CERK: variants seen among roughly 807,000 people sequenced by gnomAD.
The protein encoded by CERK is acylsphingosine kinase.
In CERK, 39 loss-of-function variants were observed where a neutral mutation model predicts 63.4. The observed-to-expected ratio is 0.61, with a 90% CI of 0.48 to 0.80. The LOEUF is 0.80. Among genes scored for constraint, CERK ranks in the 30% least tolerant of loss-of-function variants. CERK has a pLI of 0.00. For missense variants in CERK, 670 were observed against 714.1 expected (o/e 0.94, Z 0.70); for synonymous variants, 302 against 280.0 (o/e 1.08, Z -0.78).
At chr22:46,700,991 C>T (rs1480415772) in intron 7 of CERK, among the ~76,000 whole-genome samples, 1 of 147,568 alleles carries the variant, frequency 6.8e-6, no homozygotes, top group Non-Finnish European at 1.5e-5. Flanking sequence ...AGCCTGGGGA[C>T]AACTGGGAAA....
intron 5 of CERK, 40 bp from the exon 6 acceptor site, chr22:46,708,028 CG>C: frequency 1.3e-6 from 2 of 1,566,458 alleles, no homozygotes; most frequent in Non-Finnish European, 1.7e-6. Context: ...CCTGCAGGTG[CG>C]GCCCTCTGAG....
At chr22:46,732,117 C>G (rs762536073) in intron 1 of CERK, among the ~76,000 whole-genome samples, 2 of 152,124 alleles carry the variant, frequency 1.3e-5, no homozygotes, top group East Asian at 1.9e-4. Flanking sequence ...ACAGCCGAAT[C>G]GAGAACCCAG....
chr22:46,695,953 G>A (rs2146547596), intron 8 of CERK, among the ~76,000 whole-genome samples: 1 of 152,340 alleles, frequency 6.6e-6, no homozygotes, highest in South Asian at 2.1e-4. Context: ...GGCCACACCA[G>A]GAGCCAGGCC....
intron 3 of CERK, among the ~76,000 whole-genome samples, chr22:46,718,005 C>G (rs1236082689): frequency 6.6e-6 from 1 of 152,078 alleles, no homozygotes; most frequent in Non-Finnish European, 1.5e-5. Flanking sequence ...CGCTTGAACC[C>G]AGGAGGAGTT....
intron 1 of CERK, among the ~76,000 whole-genome samples, chr22:46,737,756 G>A (rs926062392): frequency 4.7e-4 from 72 of 152,114 alleles, no homozygotes; most frequent in Non-Finnish European, 2.8e-4. Context: ...GCGGGGATGG[G>A]GCGCCGGCCT....
At position 46,714,275 on chromosome 22, in the gene CERK, T is replaced by TAAAC. The variant is rs200669993; in HGVS notation, c.380-1986_380-1983dup. Among the ~76,000 whole-genome samples the TAAAC allele has an allele frequency of 1.2e-4, 18 of 152,074 alleles. No homozygotes were observed. The East Asian group carries it at 2.7e-3, about 23-fold the overall frequency. ...GACAGAGTAAGACTCCATGTCAAAA[T>TAAAC]AAACAAACAAACAAACAAATTAGCT... is the stretch of plus-strand genomic sequence containing the variant. On this transcript the variant is annotated intron_variant, in intron 3 of 12. Coordinates refer to ENST00000216264, the MANE Select transcript of CERK (RefSeq NM_022766.6). This position sits in a 1 kb window ranked among gnomAD's most constrained non-coding sequence, Gnocchi z 4.4.
intron 3 of CERK, among the ~76,000 whole-genome samples, chr22:46,719,626 C>T (rs1389923089): frequency 6.6e-6 from 1 of 152,108 alleles, no homozygotes; most frequent in Non-Finnish European, 1.5e-5. Flanking sequence ...GAGCTGAGAT[C>T]GCGCCACTGA....
At position 46,708,111 on chromosome 22, in the gene CERK, G is replaced by T. The variant is rs1337674651; in HGVS notation, c.570-123C>A. Reference sequence around the variant, plus strand: ...CCTGGCCCTTGGCAGGCATCTAGAAGTGCGGCTCCTGAAATGTCCCTAAGT... The same window carrying T: ...CCTGGCCCTTGGCAGGCATCTAGAATTGCGGCTCCTGAAATGTCCCTAAGT... On this transcript the variant is annotated intron_variant, in intron 5 of 12. Coordinates refer to ENST00000216264, the MANE Select transcript of CERK (RefSeq NM_022766.6). 4.3e-6 allele frequency: 5 copies of T among 1,152,830 alleles called. No individual in the cohort carries two copies. The South Asian group carries it at 6.8e-5, about 16-fold the overall frequency. 71.4% of individuals were successfully genotyped at this position (1,152,830 alleles called of 1,614,324 possible). A position where few individuals can be genotyped will look rare whatever the true frequency, so the allele number is the denominator to read the frequency against.
At chr22:46,687,254 A>G in intron 12 of CERK, 48 bp from the exon 13 acceptor site, 1 of 1,526,552 alleles carries the variant, frequency 6.6e-7, no homozygotes, top group South Asian at 1.1e-5. Flanking sequence ...CCCTCACTCA[A>G]AGCTGGCCTG....
At chr22:46,712,755 CAG>C (rs1008066535) in intron 3 of CERK, among the ~76,000 whole-genome samples, 2 of 152,160 alleles carry the variant, frequency 1.3e-5, no homozygotes, top group African/African-American at 2.4e-5. Context: ...GATGGAAAGA[CAG>C]AAACCAGTGA....
chr22:46,735,076 A>AACACACACACACACAC (rs3083469), intron 1 of CERK: 1 of 149,518 alleles, frequency 6.7e-6, no homozygotes, highest in African/African-American at 2.5e-5. Flanking sequence ...CTCACCCCCC[A>AACACACACACACACAC]ACACACACAC....
chr22:46,711,464 T>C (rs1357472833), intron 4 of CERK, among the ~76,000 whole-genome samples: 3 of 152,336 alleles, frequency 2.0e-5, no homozygotes, highest in Non-Finnish European at 2.9e-5. Flanking sequence ...TTATACAAGT[T>C]ACTTCCAAAA....
chr22:46,712,772 G>A (rs6008957), intron 3 of CERK, among the ~76,000 whole-genome samples: 110,418 of 151,636 alleles, frequency 0.73, 40,516 homozygotes, highest in Non-Finnish European at 0.77. Flanking sequence ...CAGTGACCTC[G>A]TTTCCATCTC....
intron 6 of CERK, among the ~76,000 whole-genome samples, chr22:46,702,965 A>G (rs1240608038): frequency 6.6e-6 from 1 of 152,148 alleles, no homozygotes; most frequent in Admixed American, 6.5e-5. Flanking sequence ...GTAACGACCA[A>G]CCACATGCTC....
chr22:46,689,620 C>T (rs572245337), intron 12 of CERK, among the ~76,000 whole-genome samples: 9 of 152,138 alleles, frequency 5.9e-5, no homozygotes, highest in East Asian at 1.9e-4. Context: ...GTGATCTGCC[C>T]GCCTCAGCCT....
chr22:46,719,946 A>T, intron 3 of CERK, 140 bp downstream of exon 3: 1 of 1,165,460 alleles, frequency 8.6e-7, no homozygotes, highest in Non-Finnish European at 1.2e-6. Flanking sequence ...CTCATGAGAA[A>T]TTAAGTCAGC....
At chr22:46,699,957 C>T (rs1292023579) in intron 7 of CERK, among the ~76,000 whole-genome samples, 1 of 152,126 alleles carries the variant, frequency 6.6e-6, no homozygotes, top group African/African-American at 2.4e-5. Flanking sequence ...GGCATGGTGG[C>T]GTGTGCCTGA....
At chr22:46,721,950 C>A (rs930405047) in intron 1 of CERK, among the ~76,000 whole-genome samples, 1 of 152,180 alleles carries the variant, frequency 6.6e-6, no homozygotes, top group African/African-American at 2.4e-5. Flanking sequence ...AAGTTCTGGG[C>A]TGGCAGCAGA....
intron 6 of CERK, among the ~76,000 whole-genome samples, 195 bp from the exon 7 acceptor site, chr22:46,701,905 G>A (rs922568607): frequency 1.6e-4 from 24 of 152,280 alleles, no homozygotes; most frequent in Admixed American, 6.5e-4. Flanking sequence ...AGATTGGGCC[G>A]GGCGGTGGCT....
Sources: allele counts gnomAD v4.1 joint callset (sites outside exome capture counted in the v4.1 genomes callset), GRCh38; gene constraint gnomAD v4.1.1; non-coding constraint Gnocchi (gnomAD v3.1); transcripts MANE v1.5; gene names NCBI Gene and HGNC (gene_info 2026-07-23, HGNC 2026-07-21).